ACSL1: variants seen among roughly 807,000 people sequenced by gnomAD.
The protein encoded by ACSL1 is acyl-CoA synthetase long chain family member 1, also known as long-chain-fatty-acid--CoA ligase 1.
In ACSL1, 41 loss-of-function variants were observed where a neutral mutation model predicts 98.4. The ratio of observed to expected loss-of-function variants is 0.42; its 90% confidence interval spans 0.32 to 0.54. The LOEUF (loss-of-function observed/expected upper bound fraction) is 0.54. Ranked by LOEUF, ACSL1 falls within the 20% of genes least tolerant of loss-of-function variation. The pLI is 0.13. For missense variants in ACSL1, 734 were observed against 883.1 expected (o/e 0.83, Z 2.14); for synonymous variants, 316 against 322.7 (o/e 0.98, Z 0.22).
chr4:184,822,554 T>G (rs1286780559), intron 1 of ACSL1, among the ~76,000 whole-genome samples: 1 of 152,038 alleles, frequency 6.6e-6, no homozygotes, highest in Non-Finnish European at 1.5e-5. Context: ...CTGGGCAATA[T>G]GGCAAAACCG....
chr4:184,783,346 C>T (rs1339274845), intron 4 of ACSL1, among the ~76,000 whole-genome samples: 7 of 152,192 alleles, frequency 4.6e-5, no homozygotes, highest in Admixed American at 4.6e-4. Context: ...GTGCCTTCCC[C>T]GAACATCTGT....
chr4:184,768,011 C>G (rs1410470663), intron 12 of ACSL1: 5 of 447,934 alleles, frequency 1.1e-5, no homozygotes, highest in Non-Finnish European at 1.9e-5. Flanking sequence ...GGTAAACAGT[C>G]CGTGTTACAC....
Position 184,788,725 on chromosome 4 carries a change from C to G in ACSL1, c.202G>C (p.Gly68Arg). ...AGTAGTGCGGATCTTCGTGCACCAC[C>G]ACTACCCTATCAAAAAAGAAAGGGG... ...SMQSVEVAGS[G>R]GARRSALLDS... The change falls in exon 3 of 21, where the codon GGT becomes CGT. Residue 68 changes from glycine (G) to arginine (R), a missense_variant. Coordinates refer to ENST00000281455, the MANE Select transcript of ACSL1 (RefSeq NM_001995.5). 1 of 1,614,066 alleles carries G rather than the reference C, an allele frequency of 6.2e-7. No individual in the cohort carries two copies. The highest frequency in any genetic ancestry group is 8.5e-7 in the Non-Finnish European group (1 of 1,179,928).
intron 15 of ACSL1, 73 bp from the exon 16 acceptor site, chr4:184,763,328 CA>C: frequency 7.6e-7 from 1 of 1,318,288 alleles, no homozygotes. Context: ...ATTTTGATAG[CA>C]AACAGGATTC....
In ACSL1 at chr4:184,768,465, G is replaced by GA; in HGVS notation, c.994-16dup. 2 of 1,595,436 alleles carry GA rather than the reference G, an allele frequency of 1.3e-6. No homozygotes were observed. Among genetic ancestry groups the GA allele is most frequent in the Non-Finnish European group, 1.7e-6 (2 of 1,174,116 alleles). On this transcript the variant is annotated splice_polypyrimidine_tract_variant and intron_variant, in intron 11 of 20. Transcript: ENST00000281455. Reference sequence around the variant, plus strand: ...AGCATTACACACTATAGGGGTAATGGAAAAAACAAACATTTTATCACCACA... The same window carrying GA: ...AGCATTACACACTATAGGGGTAATGGAAAAAAACAAACATTTTATCACCACA...
In ACSL1 at chr4:184,760,966, G is replaced by A. The variant is rs142948001; in HGVS notation, c.1639-466C>T. On this transcript the variant is annotated intron_variant, in intron 17 of 20. Coordinates refer to ENST00000281455, the MANE Select transcript of ACSL1 (RefSeq NM_001995.5). The stretch of plus-strand genomic sequence containing the variant: ...AGGCCAAATTCCTGTTTTCTTCCTC[G>A]ATGTCTGGAGGGGTGCTCTTGGCCC... Among the ~76,000 whole-genome samples the A allele has an allele frequency of 3.9e-4, 60 of 152,296 alleles. No individual in the cohort carries two copies. In the East Asian group the frequency reaches 0.011, roughly 28 times the overall value.
At chr4:184,822,577 A>G (rs966300221) in intron 1 of ACSL1, among the ~76,000 whole-genome samples, 3 of 152,080 alleles carry the variant, frequency 2.0e-5, no homozygotes, top group African/African-American at 4.8e-5. Flanking sequence ...TCACTACGAA[A>G]AAAATACAAA....
chr4:184,786,787 C>A (rs1035113312), intron 3 of ACSL1, among the ~76,000 whole-genome samples: 1 of 150,810 alleles, frequency 6.6e-6, no homozygotes, highest in East Asian at 2.0e-4. Flanking sequence ...TCCACCTCTC[C>A]GGTTCAAGCG....
At chr4:184,811,322 C>T (rs190130483) in intron 1 of ACSL1, among the ~76,000 whole-genome samples, 6 of 152,026 alleles carry the variant, frequency 3.9e-5, no homozygotes, top group Middle Eastern at 3.4e-3. Context: ...CCGTGTTGGC[C>T]AGGATGGTCT....
intron 1 of ACSL1, among the ~76,000 whole-genome samples, chr4:184,817,893 C>T (rs1772763646): frequency 6.6e-6 from 1 of 152,170 alleles, no homozygotes. Flanking sequence ...TCCTGGACAC[C>T]CTGAAGCTTC....
intron 1 of ACSL1, among the ~76,000 whole-genome samples, chr4:184,808,871 A>G (rs1327590015): frequency 6.6e-6 from 1 of 152,122 alleles, no homozygotes; most frequent in African/African-American, 2.4e-5. Context: ...TTGCTGTCCA[A>G]ACCCTATCCC....
In ACSL1 at chr4:184,825,623, C is replaced by A. The variant is rs555398831; in HGVS notation, c.-33+293G>T. Among the ~76,000 whole-genome samples, 3 of 150,764 alleles carry A rather than the reference C, an allele frequency of 2.0e-5. No homozygotes were observed. The highest frequency in any genetic ancestry group is 7.3e-5 in the African/African-American group (3 of 41,272). ...GCCGCCGCACACACAAGGGTCGGTC[C>A]CGCGCGCATCCCCGGCCGCGCACCA... On this transcript the variant is annotated intron_variant, in intron 1 of 20. Transcript: ENST00000281455. This position sits in a 1 kb window ranked among gnomAD's most constrained non-coding sequence, Gnocchi z 4.7.
intron 1 of ACSL1, among the ~76,000 whole-genome samples, chr4:184,824,632 G>A (rs1348567507): frequency 6.6e-6 from 1 of 152,090 alleles, no homozygotes; most frequent in Non-Finnish European, 1.5e-5. Flanking sequence ...GGTGTTTTCC[G>A]AGTTGAGTCA....
chr4:184,802,855 C>A (rs78053654), intron 2 of ACSL1, among the ~76,000 whole-genome samples: 2,951 of 152,272 alleles, frequency 0.019, 92 homozygotes, highest in African/African-American at 0.051. Flanking sequence ...CTTACTCCAG[C>A]CCTATTCTAT....
At chr4:184,786,496 T>A (rs558536188) in intron 3 of ACSL1, among the ~76,000 whole-genome samples, 3 of 152,000 alleles carry the variant, frequency 2.0e-5, no homozygotes, top group Non-Finnish European at 4.4e-5. Context: ...ATCCACCTGA[T>A]GGATATTTAC....
At chr4:184,764,239 C>G (rs1327271704) in intron 15 of ACSL1, among the ~76,000 whole-genome samples, 1 of 152,176 alleles carries the variant, frequency 6.6e-6, no homozygotes, top group Non-Finnish European at 1.5e-5. Flanking sequence ...GTTACTTAAG[C>G]AACAATCTAT....
At chr4:184,777,322 T>C (rs957872793) in intron 5 of ACSL1, among the ~76,000 whole-genome samples, 3 of 152,102 alleles carry the variant, frequency 2.0e-5, no homozygotes, top group African/African-American at 7.2e-5. Flanking sequence ...TATCTGGACA[T>C]GGTGGCACAC....
intron 2 of ACSL1, chr4:184,799,050 G>A (rs1372363321): frequency 6.6e-6 from 1 of 151,654 alleles, no homozygotes; most frequent in Non-Finnish European, 1.5e-5. Context: ...ATGAGGGAAG[G>A]ACAGAGTCAC....
At chr4:184,811,416 A>G (rs1175176996) in intron 1 of ACSL1, among the ~76,000 whole-genome samples, 1 of 151,982 alleles carries the variant, frequency 6.6e-6, no homozygotes, top group Non-Finnish European at 1.5e-5. Flanking sequence ...CCAGCTGCAC[A>G]ATGCTTTAAG....
Sources: gnomAD v4.1 joint callset for allele counts (sites outside exome capture counted in the v4.1 genomes callset) on GRCh38, gnomAD v4.1.1 for gene constraint, Gnocchi (gnomAD v3.1) non-coding constraint, MANE v1.5 for transcripts, NCBI Gene and HGNC (gene_info 2026-07-23, HGNC 2026-07-21) for gene names.